The following CRTAC1 variants were observed in gnomAD, a reference collection of about 807,000 sequenced individuals.
The protein encoded by CRTAC1 is cartilage acidic protein 1.
In CRTAC1, 37 loss-of-function variants were observed where a neutral mutation model predicts 67.8. The observed-to-expected ratio is 0.55, with a 90% confidence interval of 0.42 to 0.72. The LOEUF is 0.72. Ranked by LOEUF, CRTAC1 falls within the 30% of genes least tolerant of loss-of-function variation. The probability of loss-of-function intolerance (pLI) is 0.00; values close to 1 mark genes in which losing one functional copy is unlikely to be tolerated. For missense variants in CRTAC1, 780 were observed against 931.6 expected (o/e 0.84, Z 2.12); for synonymous variants, 348 against 371.0 (o/e 0.94, Z 0.71).
chr10:97,911,986 C>T (rs536825330), intron 5 of CRTAC1, among the ~76,000 whole-genome samples: 131 of 152,294 alleles, frequency 8.6e-4, no homozygotes, highest in African/African-American at 3.1e-3. Flanking sequence ...GCTGGAGAGG[C>T]AGTGCTGGTT....
rs770720047 is a variant in CRTAC1, at chr10:97,950,573, A to G, written c.225-14207T>C. ...TTGGACAGGCAAGGAGACACAGGTT[A>G]CTAGACACAGGTCACGGGCCTTGTT... On this transcript the variant is annotated intron_variant, in intron 2 of 14. Transcript: ENST00000370597. Among the ~76,000 whole-genome samples the G allele has an allele frequency of 5.1e-4, 77 of 152,210 alleles. 2 individuals are homozygous for G. Among genetic ancestry groups the G allele is most frequent in the Non-Finnish European group, 4.6e-4 (31 of 68,042 alleles).
intron 2 of CRTAC1, among the ~76,000 whole-genome samples, chr10:97,994,790 C>T (rs968334085): frequency 6.6e-6 from 1 of 152,240 alleles, no homozygotes; most frequent in Non-Finnish European, 1.5e-5. Flanking sequence ...GGCAGCCCCA[C>T]AGGATCCTGT....
chr10:97,980,258 T>TATAA (rs1375835131), intron 2 of CRTAC1, among the ~76,000 whole-genome samples: 1 of 152,186 alleles, frequency 6.6e-6, no homozygotes, highest in East Asian at 1.9e-4. Context: ...CCCACCCTCA[T>TATAA]ATAAGGTAGG....
chr10:97,889,456 G>GC (rs1268160973), intron 11 of CRTAC1, among the ~76,000 whole-genome samples: 1 of 141,746 alleles, frequency 7.1e-6, no homozygotes, highest in Non-Finnish European at 1.6e-5. Context: ...AACTTGGTGG[G>GC]GGGGGGTCCA....
intron 2 of CRTAC1, among the ~76,000 whole-genome samples, chr10:97,965,382 T>G (rs1362787747): frequency 4.6e-5 from 7 of 152,176 alleles, no homozygotes. Context: ...AGCAGTTAAG[T>G]AACTTGTCCA....
chr10:97,968,557 C>T (rs2051656467), intron 2 of CRTAC1, among the ~76,000 whole-genome samples: 1 of 152,194 alleles, frequency 6.6e-6, no homozygotes, highest in Non-Finnish European at 1.5e-5. Context: ...TTATATTTTA[C>T]TGCAGCAGCC....
At chr10:97,888,527 C>T (rs1437224764) in intron 11 of CRTAC1, among the ~76,000 whole-genome samples, 3 of 151,784 alleles carry the variant, frequency 2.0e-5, no homozygotes, top group Admixed American at 6.6e-5. Flanking sequence ...TTCACACTTA[C>T]GAGGTGGGTA....
At chr10:97,888,359 C>T (rs189597302) in intron 11 of CRTAC1, among the ~76,000 whole-genome samples, 5 of 152,204 alleles carry the variant, frequency 3.3e-5, no homozygotes, top group East Asian at 3.9e-4. Flanking sequence ...AAGGAAGGAG[C>T]GTTCCAGGGA....
chr10:97,932,050 G>A (rs1013783023), intron 3 of CRTAC1, among the ~76,000 whole-genome samples: 2 of 152,174 alleles, frequency 1.3e-5, no homozygotes, highest in African/African-American at 4.8e-5. Flanking sequence ...CTCCTGGGAT[G>A]GTGGTCAGTC....
intron 5 of CRTAC1, 95 bp downstream of exon 5, chr10:97,917,405 C>T: frequency 9.2e-7 from 1 of 1,085,110 alleles, no homozygotes; most frequent in Non-Finnish European, 1.2e-6. Context: ...CCACCCTTTC[C>T]TTGTGGTCTC....
intron 14 of CRTAC1, 178 bp from the exon 15 acceptor site, chr10:97,865,892 G>A (rs556639649): frequency 9.0e-5 from 82 of 907,470 alleles, no homozygotes; most frequent in Middle Eastern, 3.6e-4. Flanking sequence ...CCTCACCCCC[G>A]TCTGGATCAG....
chr10:97,986,560 C>T (rs1264286652), intron 2 of CRTAC1, among the ~76,000 whole-genome samples: 6 of 152,194 alleles, frequency 3.9e-5, no homozygotes, highest in Non-Finnish European at 7.3e-5. Flanking sequence ...GCAAAACCCC[C>T]ATCATCTATG....
In CRTAC1 at chr10:98,003,741, C is replaced by T. The variant is rs1036784211; in HGVS notation, c.224+7397G>A. ...GTGGCATTTTGGGGAGGCCATTATT[C>T]TGTCTACCACACCAACTGGCACACT... On this transcript the variant is annotated intron_variant, in intron 2 of 14. Transcript: ENST00000370597. Among the ~76,000 whole-genome samples, 4 of 152,194 alleles carry T rather than the reference C, an allele frequency of 2.6e-5. No individual in the cohort carries two copies. The East Asian group carries it at 7.7e-4, about 29-fold the overall frequency.
intron 2 of CRTAC1, among the ~76,000 whole-genome samples, chr10:98,009,768 T>C (rs930857777): frequency 2.6e-5 from 4 of 152,180 alleles, no homozygotes; most frequent in African/African-American, 9.7e-5. Flanking sequence ...TTTTTATTGA[T>C]TGACTGATTT....
intron 2 of CRTAC1, among the ~76,000 whole-genome samples, chr10:97,943,461 T>C (rs1208240063): frequency 6.6e-6 from 1 of 152,228 alleles, no homozygotes; most frequent in Non-Finnish European, 1.5e-5. Flanking sequence ...GAGAAATAAT[T>C]CCATCTTGTG....
At chr10:97,878,707 CT>C (rs1564873668) in intron 14 of CRTAC1, 1 of 1,303,762 alleles carries the variant, frequency 7.7e-7, no homozygotes, top group Non-Finnish European at 1.0e-6. Flanking sequence ...TCAGAGTAAC[CT>C]GAGATGAGCC....
rs116428282 is a variant in CRTAC1, at chr10:97,954,837, C to T, written c.225-18471G>A. On this transcript the variant is annotated intron_variant, in intron 2 of 14. Transcript: ENST00000370597. ...AGACGTTCCCTGCCTTTTCTACCTT[C>T]TGGGGGCTGCAGGCATTGCTTGGCT... is the stretch of plus-strand genomic sequence containing the variant. 8.4e-3 allele frequency among the ~76,000 whole-genome samples: 1,282 copies of T among 152,310 alleles called. 21 individuals carry two copies. The highest frequency in any genetic ancestry group is 0.029 in the African/African-American group (1,224 of 41,574).
chr10:98,005,692 T>C (rs1005818492), intron 2 of CRTAC1, among the ~76,000 whole-genome samples: 1 of 151,328 alleles, frequency 6.6e-6, no homozygotes. Context: ...ATACTACATG[T>C]ATCTATATAT....
At chr10:97,922,100 G>A (rs564365351) in intron 4 of CRTAC1, among the ~76,000 whole-genome samples, 42 of 152,134 alleles carry the variant, frequency 2.8e-4, no homozygotes, top group African/African-American at 9.4e-4. Flanking sequence ...AAACCGGGAG[G>A]AGGCTGGGAA....
Sources: allele counts gnomAD v4.1 joint callset (sites outside exome capture counted in the v4.1 genomes callset), GRCh38; gene constraint gnomAD v4.1.1; transcripts MANE v1.5; gene names NCBI Gene and HGNC (gene_info 2026-07-23, HGNC 2026-07-21).